The following PRICKLE2 variants were observed in gnomAD, a reference collection of about 807,000 sequenced individuals.
The protein encoded by PRICKLE2 is prickle planar cell polarity protein 2.
A neutral mutation model predicts 81.4 loss-of-function variants in PRICKLE2; 21 were observed. The observed-to-expected ratio is 0.26, with a 90% CI of 0.18 to 0.37. The LOEUF (loss-of-function observed/expected upper bound fraction) is 0.37, where lower values mean the gene tolerates loss of function less well. Ranked by LOEUF, PRICKLE2 falls within the 10% of genes least tolerant of loss-of-function variation. PRICKLE2 has a pLI of 1.00. For missense variants in PRICKLE2, 940 were observed against 1,109.0 expected (o/e 0.85, Z 2.16); for synonymous variants, 456 against 421.5 (o/e 1.08, Z -1.00).
intron 1 of PRICKLE2, among the ~76,000 whole-genome samples, chr3:64,211,281 T>C (rs1359871255): frequency 1.3e-5 from 2 of 152,108 alleles, no homozygotes; most frequent in Non-Finnish European, 2.9e-5. Context: ...TATTAAACAA[T>C]AATTCACTGA....
chr3:64,262,063 C>T (rs1239226087), intron 2 of PRICKLE2, among the ~76,000 whole-genome samples: 1 of 152,054 alleles, frequency 6.6e-6, no homozygotes, highest in Middle Eastern at 3.2e-3. Context: ...AATCCATAGA[C>T]CTTATATGTA....
intron 1 of PRICKLE2, among the ~76,000 whole-genome samples, chr3:64,212,438 C>T (rs1378563641): frequency 2.6e-5 from 4 of 152,166 alleles, no homozygotes; most frequent in African/African-American, 9.7e-5. Flanking sequence ...AATTCTAACA[C>T]ACCTCATCTC....
intron 2 of PRICKLE2, among the ~76,000 whole-genome samples, chr3:64,255,947 C>T (rs1399456799): frequency 3.3e-5 from 5 of 152,064 alleles, no homozygotes; most frequent in African/African-American, 1.2e-4. Context: ...TGGAGCGACT[C>T]TGAGGAAGGG....
At chr3:64,214,677 T>G (rs1005323552) in intron 1 of PRICKLE2, among the ~76,000 whole-genome samples, 4 of 152,204 alleles carry the variant, frequency 2.6e-5, no homozygotes, top group South Asian at 2.1e-4. Context: ...AAGCCCTTGA[T>G]GAATTGGATT....
chr3:64,204,513 C>A (rs994485600), intron 1 of PRICKLE2, among the ~76,000 whole-genome samples: 3 of 151,986 alleles, frequency 2.0e-5, no homozygotes, highest in African/African-American at 7.3e-5. Context: ...CAAAAAGTTA[C>A]TTATAGAAAA....
intron 7 of PRICKLE2, among the ~76,000 whole-genome samples, chr3:64,141,263 C>A (rs533648637): frequency 4.4e-4 from 67 of 152,298 alleles, no homozygotes; most frequent in Non-Finnish European, 7.2e-4. Flanking sequence ...CTAGAATGCC[C>A]AAGTTTAAAT....
intron 7 of PRICKLE2, among the ~76,000 whole-genome samples, chr3:64,128,120 TG>T (rs2077139179): frequency 6.6e-6 from 1 of 151,836 alleles, no homozygotes. Flanking sequence ...GAGGTAGCGT[TG>T]GGGGCGTTAG....
chr3:64,226,981 A>T (rs1251932861), upstream of PRICKLE2, among the ~76,000 whole-genome samples: 1 of 152,246 alleles, frequency 6.6e-6, no homozygotes, highest in Non-Finnish European at 1.5e-5. Context: ...CGCCTGGGGA[A>T]CCCACTCTGA....
At chr3:64,229,361 G>A (rs2079070218), upstream of PRICKLE2, among the ~76,000 whole-genome samples, 1 of 152,160 alleles carries the variant, frequency 6.6e-6, no homozygotes, top group Non-Finnish European at 1.5e-5. Context: ...TAAGTGACAG[G>A]AAGGGTGGTA....
intron 1 of PRICKLE2, among the ~76,000 whole-genome samples, chr3:64,223,924 G>A (rs1559590199): frequency 1.3e-5 from 2 of 152,212 alleles, no homozygotes; most frequent in Non-Finnish European, 2.9e-5. Flanking sequence ...GGGAAGAGAT[G>A]TGCAGGCAAA....
chr3:64,183,409 C>A (rs1387931419), intron 2 of PRICKLE2, among the ~76,000 whole-genome samples: 2 of 151,880 alleles, frequency 1.3e-5, no homozygotes, highest in Admixed American at 6.6e-5. Context: ...AGGAATGTTA[C>A]AAAAGAATAA....
chr3:64,158,904 C>T (rs2077683915), intron 4 of PRICKLE2, among the ~76,000 whole-genome samples: 1 of 152,228 alleles, frequency 6.6e-6, no homozygotes. Flanking sequence ...ATCCCACCTC[C>T]TCTTCTTTGA....
intron 2 of PRICKLE2, among the ~76,000 whole-genome samples, chr3:64,232,213 CCT>C (rs1427807589): frequency 1.3e-5 from 2 of 152,134 alleles, no homozygotes; most frequent in Non-Finnish European, 2.9e-5. Flanking sequence ...ATGTGATTAA[CCT>C]CTCTCTCTTA....
chr3:64,171,816 G>T (rs1374181573), intron 2 of PRICKLE2, among the ~76,000 whole-genome samples: 3 of 152,180 alleles, frequency 2.0e-5, no homozygotes, highest in Admixed American at 2.0e-4. Context: ...GCTGTGGGGT[G>T]GGTGGAGATG....
At chr3:64,245,104 T>G (rs2107174508) in intron 2 of PRICKLE2, among the ~76,000 whole-genome samples, 1 of 152,340 alleles carries the variant, frequency 6.6e-6, no homozygotes, top group Non-Finnish European at 1.5e-5. Context: ...AAGCCGATTT[T>G]TCTAAGAGAA....
Position 64,098,646 on chromosome 3 carries a change from A to C in PRICKLE2, c.*405T>G. The stretch of plus-strand genomic sequence containing the variant: ...CTCATTTACATTGCATTTACAATGG[A>C]CATGTAAATAACTTAGTCTTGGGTC... On this transcript the variant is annotated 3_prime_UTR_variant, in exon 8 of 8. Transcript: ENST00000638394. 1 of 216,228 alleles carries C rather than the reference A, an allele frequency of 4.6e-6. No homozygotes were observed. Among genetic ancestry groups the C allele is most frequent in the Non-Finnish European group, 9.4e-6 (1 of 106,444 alleles). The allele number at this position is 216,228 out of a possible 1,614,324, so 13.4% of individuals were successfully genotyped here. A position where few individuals can be genotyped will look rare whatever the true frequency, so the allele number is the denominator to read the frequency against.
At chr3:64,142,540 G>A (rs946925255) in intron 7 of PRICKLE2, among the ~76,000 whole-genome samples, 1 of 151,990 alleles carries the variant, frequency 6.6e-6, no homozygotes, top group African/African-American at 2.4e-5. Flanking sequence ...TGAACTTCTG[G>A]CCTCAAGTGA....
chr3:64,147,823 T>C lies in PRICKLE2; in HGVS notation c.788-121A>G. 1 of 1,029,562 alleles carries C rather than the reference T, an allele frequency of 9.7e-7. No individual in the cohort carries two copies. The highest frequency in any genetic ancestry group is 1.5e-6 in the Non-Finnish European group (1 of 667,102). 63.8% of individuals were successfully genotyped at this position (1,029,562 alleles called of 1,614,324 possible). A position where few individuals can be genotyped will look rare whatever the true frequency, so the allele number is the denominator to read the frequency against. The stretch of plus-strand genomic sequence containing the variant: ...CAGGTGCGGCAGGATAAACTGTCAA[T>C]AAATCAACAATCAGACCCTTATGTA... On this transcript the variant is annotated intron_variant, in intron 6 of 7. Coordinates refer to ENST00000638394, the MANE Select transcript of PRICKLE2 (RefSeq NM_198859.4). The surrounding 1 kb of genome is among the most constrained non-coding windows in gnomAD (Gnocchi z 5.0).
At chr3:64,129,819 A>C (rs1359566706) in intron 7 of PRICKLE2, among the ~76,000 whole-genome samples, 1 of 152,156 alleles carries the variant, frequency 6.6e-6, no homozygotes, top group Admixed American at 6.5e-5. Context: ...GAAAGGAAAC[A>C]AACAATGAAA....
Sources: gnomAD v4.1 joint callset for allele counts (sites outside exome capture counted in the v4.1 genomes callset) on GRCh38, gnomAD v4.1.1 for gene constraint, Gnocchi (gnomAD v3.1) non-coding constraint, MANE v1.5 for transcripts, NCBI Gene and HGNC (gene_info 2026-07-23, HGNC 2026-07-21) for gene names.